The following PDE9A variants were observed in gnomAD, a reference collection of about 807,000 sequenced individuals.
PDE9A encodes high affinity cGMP-specific 3',5'-cyclic phosphodiesterase 9A.
A neutral mutation model predicts 87.4 loss-of-function variants in PDE9A; 60 were observed. The observed-to-expected ratio is 0.69, with a 90% CI of 0.56 to 0.85. The LOEUF (loss-of-function observed/expected upper bound fraction) is 0.85, where lower values mean the gene tolerates loss of function less well. PDE9A is among the 40% of genes least tolerant of loss of function. The pLI, the probability that PDE9A is intolerant of heterozygous loss-of-function variation, is 0.00. For synonymous variants in PDE9A, 272 were observed against 279.4 expected (o/e 0.97, Z 0.27); for missense variants, 665 against 779.0 (o/e 0.85, Z 1.74).
At chr21:42,682,181 TGAATC>T (rs2059201430) in intron 1 of PDE9A, among the ~76,000 whole-genome samples, 1 of 152,216 alleles carries the variant, frequency 6.6e-6, no homozygotes, top group African/African-American at 2.4e-5. Flanking sequence ...ACTGAACTGA[TGAATC>T]GAATGGGAAC....
chr21:42,680,174 G>A (rs1364901018), intron 1 of PDE9A, among the ~76,000 whole-genome samples: 3 of 152,206 alleles, frequency 2.0e-5, no homozygotes, highest in Non-Finnish European at 2.9e-5. Context: ...TACCTCTCAG[G>A]GTCCCAGTGT....
At chr21:42,730,920 C>A (rs1195078985) in intron 4 of PDE9A, among the ~76,000 whole-genome samples, 1 of 152,034 alleles carries the variant, frequency 6.6e-6, no homozygotes. Context: ...AAGTTGGATT[C>A]TTGAAATTTT....
rs575340708 is a variant in PDE9A, at chr21:42,692,892, C to T, written c.218+4898C>T. 1.3e-5 allele frequency among the ~76,000 whole-genome samples: 2 copies of T among 152,334 alleles called. No homozygotes were observed. The highest frequency in any genetic ancestry group is 2.1e-4 in the South Asian group (1 of 4,830). ...TCGCACTCTTCCTGCACCGGAGCCGCGGTGCGAGGCCTCGGGAATGCTCAC... is the reference window on the plus strand; with the variant it reads ...TCGCACTCTTCCTGCACCGGAGCCGTGGTGCGAGGCCTCGGGAATGCTCAC... On this transcript the variant is annotated intron_variant, in intron 3 of 19. Transcript: ENST00000291539. This position sits in a 1 kb window ranked among gnomAD's most constrained non-coding sequence, Gnocchi z 4.3.
chr21:42,748,499 G>A (rs1360852747), intron 8 of PDE9A, among the ~76,000 whole-genome samples: 1 of 152,224 alleles, frequency 6.6e-6, no homozygotes, highest in African/African-American at 2.4e-5. Flanking sequence ...AAATAACACC[G>A]AAGCCTCTTT....
chr21:42,760,512 A>C lies in PDE9A; in HGVS notation c.1002+80A>C. On this transcript the variant is annotated intron_variant, in intron 12 of 19. Coordinates refer to ENST00000291539, the MANE Select transcript of PDE9A (RefSeq NM_002606.3). This position sits in a 1 kb window ranked among gnomAD's most constrained non-coding sequence, Gnocchi z 5.2. ...CCCCCTTCCAGGGAGCGGCAGCCCCATCCCACCAAGAGAGCCACAGGCGTG... is the reference window on the plus strand; with the variant it reads ...CCCCCTTCCAGGGAGCGGCAGCCCCCTCCCACCAAGAGAGCCACAGGCGTG... The C allele has an allele frequency of 1.1e-6, 1 of 879,936 alleles. No individual in the cohort carries two copies. Among genetic ancestry groups the C allele is most frequent in the African/African-American group, 1.7e-5 (1 of 59,964 alleles). 54.5% of individuals were successfully genotyped at this position (879,936 alleles called of 1,614,324 possible).
In PDE9A at chr21:42,760,959, G is replaced by A; in HGVS notation, c.1085+52G>A. ...CCTTTTAAAAGGCACCCTGGCTACTGGAGGGAACCTGTCAGCCCAACCCTC... is the reference window on the plus strand; with the variant it reads ...CCTTTTAAAAGGCACCCTGGCTACTAGAGGGAACCTGTCAGCCCAACCCTC... On this transcript the variant is annotated intron_variant, in intron 13 of 19. Transcript: ENST00000291539. The surrounding 1 kb of genome is among the most constrained non-coding windows in gnomAD (Gnocchi z 5.2). 8.4e-7 allele frequency: 1 copy of A among 1,184,020 alleles called. No individual in the cohort carries two copies. The highest frequency in any genetic ancestry group is 1.7e-5 in the Admixed American group (1 of 59,146). The allele number at this position is 1,184,020 out of a possible 1,614,324, so 73.3% of individuals were successfully genotyped here. A position where few individuals can be genotyped will look rare whatever the true frequency, so the allele number is the denominator to read the frequency against.
chr21:42,737,556 GACAGGA>G, intron 7 of PDE9A, among the ~76,000 whole-genome samples: 6 of 152,176 alleles, frequency 3.9e-5, no homozygotes, highest in Admixed American at 1.3e-4. Context: ...GCCCCCCGAA[GACAGGA>G]CACTTCTGTC....
At chr21:42,774,751 G>T (rs918511723) in intron 19 of PDE9A, among the ~76,000 whole-genome samples, 4 of 151,318 alleles carry the variant, frequency 2.6e-5, no homozygotes, top group Non-Finnish European at 4.4e-5. Context: ...CTGTAGTGGC[G>T]TGCACCTGTA....
rs1354098382 is a variant in PDE9A, at chr21:42,743,944, G to A, written c.653+84G>A. The A allele has an allele frequency of 4.9e-6, 4 of 816,700 alleles. No homozygotes were observed. In the Admixed American group the frequency reaches 6.3e-5, roughly 13 times the overall value. 50.6% of individuals were successfully genotyped at this position (816,700 alleles called of 1,614,324 possible). A position where few individuals can be genotyped will look rare whatever the true frequency, so the allele number is the denominator to read the frequency against. ...TGGGCTGGGGCTGTGGGCTTTGTTT[G>A]CCTAAAAGAAAGGCTGGTGCAGTTC... is the stretch of plus-strand genomic sequence containing the variant. On this transcript the variant is annotated intron_variant, in intron 8 of 19. Transcript: ENST00000291539.
intron 3 of PDE9A, among the ~76,000 whole-genome samples, chr21:42,691,848 A>G (rs980822900): frequency 6.6e-6 from 1 of 150,922 alleles, no homozygotes; most frequent in Non-Finnish European, 1.5e-5. Context: ...TCACCATCCA[A>G]AGTCACCCAG....
chr21:42,679,864 T>C (rs2059067282), intron 1 of PDE9A, among the ~76,000 whole-genome samples: 1 of 152,290 alleles, frequency 6.6e-6, no homozygotes, highest in South Asian at 2.1e-4. Context: ...AACTCCAGCC[T>C]TGTTTCTTCT....
chr21:42,769,407 GGCACACACAGGCACACACTCGT>G (rs1477123239), intron 17 of PDE9A, among the ~76,000 whole-genome samples: 2 of 92,156 alleles, frequency 2.2e-5, no homozygotes, highest in African/African-American at 1.2e-4. Flanking sequence ...GCACACACAC[GGCACACACAGGCACACACTCGT>G]GCACACACAT....
At chr21:42,720,099 G>A (rs1441905574) in intron 4 of PDE9A, among the ~76,000 whole-genome samples, 1 of 152,140 alleles carries the variant, frequency 6.6e-6, no homozygotes, top group Non-Finnish European at 1.5e-5. Context: ...GTCAGATAAT[G>A]GACAAAGTCC....
At chr21:42,732,902 ACT>A (rs2051980769) in intron 6 of PDE9A, among the ~76,000 whole-genome samples, 1 of 152,184 alleles carries the variant, frequency 6.6e-6, no homozygotes, top group African/African-American at 2.4e-5. Context: ...CAAGAGTGAC[ACT>A]CTGTCTCAAA....
At position 42,663,819 on chromosome 21, in the gene PDE9A, C is replaced by T. The variant is rs542392095; in HGVS notation, c.69+9936C>T. On this transcript the variant is annotated intron_variant, in intron 1 of 19. Transcript: ENST00000291539. The stretch of plus-strand genomic sequence containing the variant: ...CCTATTTCTTCCAGGTAGTCGTCTG[C>T]CCAGCACCTCCCCTCCCAGGCCTTG... 2.4e-3 allele frequency among the ~76,000 whole-genome samples: 366 copies of T among 152,334 alleles called. 3 individuals are homozygous for T. Among genetic ancestry groups the T allele is most frequent in the Middle Eastern group, 0.014 (4 of 294 alleles).
At chr21:42,670,970 G>A (rs2058532480) in intron 1 of PDE9A, among the ~76,000 whole-genome samples, 3 of 152,112 alleles carry the variant, frequency 2.0e-5, no homozygotes. Context: ...CTTAAACCAT[G>A]ACTTAGAGAT....
At chr21:42,690,091 T>G (rs1256624777) in intron 3 of PDE9A, 2 of 984,616 alleles carry the variant, frequency 2.0e-6, no homozygotes, top group Admixed American at 1.2e-4. Context: ...AGGATACAGG[T>G]GGAGAAGATG....
chr21:42,771,060 C>A lies in PDE9A; in HGVS notation c.1686+262C>A, dbSNP rs115533759. 3.0e-3 allele frequency among the ~76,000 whole-genome samples: 452 copies of A among 152,364 alleles called. 1 individual carries two copies. Among genetic ancestry groups the A allele is most frequent in the African/African-American group, 0.01 (425 of 41,598 alleles). The stretch of plus-strand genomic sequence containing the variant: ...TACTGGCCGTGCCCTTCACAAGAAT[C>A]ACAACTGTCACCCACACCTGTGGAC... On this transcript the variant is annotated intron_variant, in intron 18 of 19. Coordinates refer to ENST00000291539, the MANE Select transcript of PDE9A (RefSeq NM_002606.3).
In PDE9A at chr21:42,692,164, A is replaced by T. The variant is rs924569706; in HGVS notation, c.218+4170A>T. The stretch of plus-strand genomic sequence containing the variant: ...TTCCAGCCCCTAAACGAGGCGGGGC[A>T]TGCTGGGTGCAGGATGGAATGAGTT... On this transcript the variant is annotated intron_variant, in intron 3 of 19. Coordinates refer to ENST00000291539, the MANE Select transcript of PDE9A (RefSeq NM_002606.3). The surrounding 1 kb of genome is among the most constrained non-coding windows in gnomAD (Gnocchi z 4.3). Among the ~76,000 whole-genome samples the T allele has an allele frequency of 6.6e-6, 1 of 152,234 alleles. No homozygotes were observed. Among genetic ancestry groups the T allele is most frequent in the Non-Finnish European group, 1.5e-5 (1 of 68,044 alleles).
Sources: allele counts gnomAD v4.1 joint callset (sites outside exome capture counted in the v4.1 genomes callset), GRCh38; gene constraint gnomAD v4.1.1; non-coding constraint Gnocchi (gnomAD v3.1); transcripts MANE v1.5; gene names NCBI Gene and HGNC (gene_info 2026-07-23, HGNC 2026-07-21).